PXDNL: variants seen among roughly 807,000 people sequenced by gnomAD.
PXDNL encodes probable oxidoreductase PXDNL.
A neutral mutation model predicts 150.8 loss-of-function variants in PXDNL; 145 were observed. That is an observed-to-expected ratio of 0.96 (90% CI 0.84 to 1.10). PXDNL has a LOEUF of 1.10. Ranked by LOEUF, PXDNL falls within the 50% of genes least tolerant of loss-of-function variation. The pLI is 0.00. For missense variants in PXDNL, 2,087 were observed against 1,873.9 expected, an observed-to-expected ratio of 1.11 and a Z score of -2.10; for synonymous variants, 757 against 725.7, an observed-to-expected ratio of 1.04 and a Z score of -0.69.
chr8:51,502,268 C>T (rs1811202950), intron 4 of PXDNL, among the ~76,000 whole-genome samples: 1 of 152,148 alleles, frequency 6.6e-6, no homozygotes, highest in South Asian at 2.1e-4. Context: ...GGGGGGCGGC[C>T]GTGCACAGGC....
At chr8:51,617,445 T>C (rs1278630862) in intron 2 of PXDNL, among the ~76,000 whole-genome samples, 1 of 152,252 alleles carries the variant, frequency 6.6e-6, no homozygotes, top group Admixed American at 6.5e-5. Context: ...TGTTAAATGC[T>C]ATAAGTGTCT....
intron 1 of PXDNL, among the ~76,000 whole-genome samples, chr8:51,737,418 C>A (rs1048574807): frequency 6.6e-6 from 1 of 152,254 alleles, no homozygotes; most frequent in African/African-American, 2.4e-5. Context: ...CTAATTCAAT[C>A]CCTTAGGCTT....
intron 2 of PXDNL, among the ~76,000 whole-genome samples, chr8:51,608,816 G>C (rs1203748412): frequency 8.9e-6 from 1 of 112,256 alleles, no homozygotes; most frequent in Non-Finnish European, 1.6e-5. Flanking sequence ...CAGCCTAGGT[G>C]ACAGAGCAAG....
chr8:51,419,352 A>C (rs978563131), intron 14 of PXDNL, among the ~76,000 whole-genome samples: 1 of 152,198 alleles, frequency 6.6e-6, no homozygotes, highest in African/African-American at 2.4e-5. Flanking sequence ...TTTATCACAG[A>C]CATGCTATAA....
At chr8:51,417,168 G>A (rs373464248) in intron 14 of PXDNL, among the ~76,000 whole-genome samples, 1 of 152,082 alleles carries the variant, frequency 6.6e-6, no homozygotes, top group East Asian at 1.9e-4. Flanking sequence ...AGAACAATCA[G>A]AAAATTCTGA....
chr8:51,545,147 T>G (rs1324226316), intron 4 of PXDNL, among the ~76,000 whole-genome samples: 1 of 152,180 alleles, frequency 6.6e-6, no homozygotes, highest in Non-Finnish European at 1.5e-5. Context: ...TACTCAATAT[T>G]AGTAAGACTA....
intron 2 of PXDNL, among the ~76,000 whole-genome samples, chr8:51,615,927 G>A (rs1043685213): frequency 2.0e-5 from 3 of 152,146 alleles, no homozygotes; most frequent in Non-Finnish European, 4.4e-5. Flanking sequence ...CCTGAACATG[G>A]TGCCTCTATG....
chr8:51,748,311 G>A (rs917403590), intron 1 of PXDNL, among the ~76,000 whole-genome samples: 6 of 152,168 alleles, frequency 3.9e-5, no homozygotes, highest in Non-Finnish European at 5.9e-5. Context: ...GAATAAGTTC[G>A]ATTTCTTTCT....
chr8:51,632,976 G>A (rs1814523446), intron 2 of PXDNL, among the ~76,000 whole-genome samples: 1 of 152,062 alleles, frequency 6.6e-6, no homozygotes, highest in Admixed American at 6.6e-5. Flanking sequence ...GAGTTTTGGA[G>A]TATAAATGAT....
intron 1 of PXDNL, among the ~76,000 whole-genome samples, chr8:51,690,163 C>CT (rs1387809753): frequency 6.6e-6 from 1 of 152,070 alleles, no homozygotes; most frequent in Non-Finnish European, 1.5e-5. Context: ...TACTGTTTTT[C>CT]TTTTTTTGTT....
chr8:51,686,291 G>C lies in PXDNL; in HGVS notation c.165-31531C>G, dbSNP rs375187291. Among the ~76,000 whole-genome samples, 392 of 152,332 alleles carry C rather than the reference G, an allele frequency of 2.6e-3. 1 individual carries two copies. The highest frequency in any genetic ancestry group is 9.1e-3 in the African/African-American group (379 of 41,578). On this transcript the variant is annotated intron_variant, in intron 1 of 22. Transcript: ENST00000356297. ...GGCTTGGCATGTCCATGTCCCTGGA[G>C]ATAATGTAATATAAGAAACCACAGC...
At chr8:51,801,002 C>T (rs556476843) in intron 1 of PXDNL, among the ~76,000 whole-genome samples, 2 of 152,344 alleles carry the variant, frequency 1.3e-5, no homozygotes, top group South Asian at 4.1e-4. Context: ...AAAGGTCTGA[C>T]TGCCTGCGGG....
chr8:51,618,277 A>G (rs1158683717), intron 2 of PXDNL, among the ~76,000 whole-genome samples: 1 of 152,226 alleles, frequency 6.6e-6, no homozygotes, highest in African/African-American at 2.4e-5. Flanking sequence ...CAACCTGGAA[A>G]TCAGCGGGTG....
At chr8:51,617,219 T>A (rs1344285115) in intron 2 of PXDNL, among the ~76,000 whole-genome samples, 3 of 152,186 alleles carry the variant, frequency 2.0e-5, no homozygotes, top group Non-Finnish European at 4.4e-5. Context: ...TAAATGCACA[T>A]GAAATTTAAA....
chr8:51,729,490 G>A (rs1249522689), intron 1 of PXDNL, among the ~76,000 whole-genome samples: 1 of 152,158 alleles, frequency 6.6e-6, no homozygotes, highest in African/African-American at 2.4e-5. Context: ...CCAAAACACT[G>A]ACAACACTAA....
intron 12 of PXDNL, among the ~76,000 whole-genome samples, chr8:51,438,046 C>T (rs1343292779): frequency 1.3e-5 from 2 of 152,170 alleles, no homozygotes; most frequent in Non-Finnish European, 2.9e-5. Flanking sequence ...AGGAACTCAA[C>T]TCCTTTTACA....
intron 3 of PXDNL, among the ~76,000 whole-genome samples, chr8:51,561,251 T>C (rs1389282688): frequency 6.6e-6 from 1 of 151,922 alleles, no homozygotes; most frequent in Non-Finnish European, 1.5e-5. Context: ...TAGGCAAATA[T>C]ACTTCTGGGC....
intron 4 of PXDNL, among the ~76,000 whole-genome samples, chr8:51,524,224 T>C (rs4504629): frequency 0.98 from 149,996 of 152,304 alleles, 73,874 homozygotes; most frequent in Admixed American, 0.99. Flanking sequence ...GACATCTAGT[T>C]GTTTTCATCC....
chr8:51,612,957 A>C (rs1331974694), intron 2 of PXDNL, among the ~76,000 whole-genome samples: 2 of 152,176 alleles, frequency 1.3e-5, no homozygotes, highest in African/African-American at 2.4e-5. Flanking sequence ...AGAATGCCCA[A>C]TCTGTATGTC....
Sources: gnomAD v4.1 joint callset for allele counts (sites outside exome capture counted in the v4.1 genomes callset) on GRCh38, gnomAD v4.1.1 for gene constraint, MANE v1.5 for transcripts, NCBI Gene and HGNC (gene_info 2026-07-23, HGNC 2026-07-21) for gene names.